Variants in SAMD3 observed in about 807,000 individuals in gnomAD.
SAMD3 encodes sterile alpha motif domain containing 3, also known as sterile alpha motif domain-containing protein 3.
Under a neutral mutation model 58.5 loss-of-function variants are expected in SAMD3, and 63 were observed. The observed-to-expected ratio is 1.08, with a 90% CI of 0.88 to 1.33. The LOEUF (loss-of-function observed/expected upper bound fraction) is 1.33. Among genes scored for constraint, SAMD3 ranks in the 40% most tolerant of loss-of-function variants. The probability of loss-of-function intolerance (pLI) is 0.00; values close to 1 mark genes in which losing one functional copy is unlikely to be tolerated. For synonymous variants in SAMD3, 220 were observed against 210.3 expected, an observed-to-expected ratio of 1.05 and a Z score of -0.40; for missense variants, 604 against 608.4, an observed-to-expected ratio of 0.99 and a Z score of 0.08.
At chr6:130,312,017 C>A (rs6923783) in intron 2 of SAMD3, among the ~76,000 whole-genome samples, 12 of 152,008 alleles carry the variant, frequency 7.9e-5, no homozygotes, top group African/African-American at 2.9e-4. Context: ...GGGCTGAAAC[C>A]ACAGATAGCA....
At chr6:130,355,524 CT>C (rs1180555882) in intron 1 of SAMD3, among the ~76,000 whole-genome samples, 2 of 152,172 alleles carry the variant, frequency 1.3e-5, no homozygotes, top group African/African-American at 4.8e-5. Context: ...TAATCCAGTT[CT>C]TTTTGTTTAT....
chr6:130,157,602 C>A (rs964339974), intron 8 of SAMD3, among the ~76,000 whole-genome samples: 1 of 152,182 alleles, frequency 6.6e-6, no homozygotes, highest in African/African-American at 2.4e-5. Flanking sequence ...GTTGGGATTA[C>A]AGGCATGAGC....
At chr6:130,214,879 A>G (rs1162891116) in intron 3 of SAMD3, among the ~76,000 whole-genome samples, 2 of 152,216 alleles carry the variant, frequency 1.3e-5, no homozygotes, top group African/African-American at 4.8e-5. Context: ...TATAAACCCA[A>G]CACTACACAA....
intron 1 of SAMD3, among the ~76,000 whole-genome samples, chr6:130,345,380 G>A (rs896404481): frequency 6.6e-6 from 1 of 152,200 alleles, no homozygotes; most frequent in Non-Finnish European, 1.5e-5. Context: ...CTGTTAGGCA[G>A]CTGTGTAGAC....
rs562874135 is a variant in SAMD3, at chr6:130,270,412, C to G, written c.-188+42566G>C. On this transcript the variant is annotated intron_variant, in intron 2 of 13. Coordinates refer to the SAMD3 transcript ENST00000368134. ...CAGGCCAGGATGTCTTAGTAGTCCACATGAAACTATGACTCAAACATGTAG... is the reference window on the plus strand; with the variant it reads ...CAGGCCAGGATGTCTTAGTAGTCCAGATGAAACTATGACTCAAACATGTAG... 2.9e-3 allele frequency among the ~76,000 whole-genome samples: 439 copies of G among 152,266 alleles called. 4 individuals carry two copies. The highest frequency in any genetic ancestry group is 8.2e-3 in the African/African-American group (340 of 41,566).
At chr6:130,357,641 C>A (rs9483115) in intron 1 of SAMD3, among the ~76,000 whole-genome samples, 1 of 151,948 alleles carries the variant, frequency 6.6e-6, no homozygotes, top group Admixed American at 6.6e-5. Context: ...CCTTAACATT[C>A]GTTTGCTGCT....
intron 1 of SAMD3, among the ~76,000 whole-genome samples, chr6:130,324,874 C>A (rs1165417584): frequency 6.6e-6 from 1 of 151,796 alleles, no homozygotes; most frequent in Non-Finnish European, 1.5e-5. Flanking sequence ...AGAACAAATT[C>A]TTTCCCGGTG....
intron 1 of SAMD3, among the ~76,000 whole-genome samples, chr6:130,323,065 C>T (rs1776638836): frequency 6.6e-6 from 1 of 152,168 alleles, no homozygotes; most frequent in South Asian, 2.1e-4. Context: ...AAGCAGTTAC[C>T]ATGGAGCATT....
At chr6:130,173,418 TTTC>T (rs1302944072) in intron 8 of SAMD3, among the ~76,000 whole-genome samples, 1 of 152,246 alleles carries the variant, frequency 6.6e-6, no homozygotes, top group Non-Finnish European at 1.5e-5. Flanking sequence ...TTTGTTAGTT[TTTC>T]TTCTAACAGA....
At chr6:130,221,113 C>T (rs1311438997) in intron 1 of SAMD3, among the ~76,000 whole-genome samples, 1 of 152,074 alleles carries the variant, frequency 6.6e-6, no homozygotes, top group Admixed American at 6.5e-5. Flanking sequence ...CTTGGCCTCC[C>T]AAAGTGCTGG....
intron 2 of SAMD3, among the ~76,000 whole-genome samples, chr6:130,298,761 G>A (rs12530118): frequency 0.17 from 25,611 of 152,022 alleles, 2,405 homozygotes; most frequent in East Asian, 0.36. Flanking sequence ...AACATTCATA[G>A]GCTCAAAATA....
chr6:130,299,250 A>G (rs529706445), intron 2 of SAMD3, among the ~76,000 whole-genome samples: 4 of 152,282 alleles, frequency 2.6e-5, no homozygotes, highest in African/African-American at 9.6e-5. Context: ...AACTGAAATC[A>G]TATCATATCA....
intron 1 of SAMD3, among the ~76,000 whole-genome samples, chr6:130,356,262 G>A (rs577918588): frequency 1.6e-4 from 25 of 152,138 alleles, no homozygotes; most frequent in African/African-American, 4.8e-4. Flanking sequence ...TGGAAGGGCC[G>A]TCTGGTTGGT....
rs749719704 is a variant in SAMD3 at position 130,144,703 on chromosome 6, G to T, written c.1380C>A (p.Asp460Glu). 1 of 1,613,954 alleles carries T rather than the reference G, an allele frequency of 6.2e-7. No individual in the cohort carries two copies. The highest frequency in any genetic ancestry group is 8.5e-7 in the Non-Finnish European group (1 of 1,179,970). Residue 460 changes from aspartate (D) to glutamate (E), a missense_variant, in exon 12 of 12, where the codon GAC (aspartate) becomes GAA (glutamate). Coordinates refer to ENST00000439090, the MANE Select transcript of SAMD3 (RefSeq NM_001017373.4). ...GCGCAGCCAAGGCTGTAACACAGTCGTCCACCTTTGTGAGCCTCTCCCTTT... is the reference window on the plus strand; with the variant it reads ...GCGCAGCCAAGGCTGTAACACAGTCTTCCACCTTTGTGAGCCTCTCCCTTT... Reference protein sequence around the residue: ...YLERERLTKVDDCVTALAALV... With the variant: ...YLERERLTKVEDCVTALAALV...
chr6:130,306,165 C>A (rs1451413442), intron 2 of SAMD3, among the ~76,000 whole-genome samples: 2 of 152,126 alleles, frequency 1.3e-5, no homozygotes, highest in Non-Finnish European at 2.9e-5. Flanking sequence ...AACATTCAGA[C>A]CATAGCAGGA....
At chr6:130,302,317 A>G (rs1458194811) in intron 2 of SAMD3, among the ~76,000 whole-genome samples, 1 of 152,232 alleles carries the variant, frequency 6.6e-6, no homozygotes, top group African/African-American at 2.4e-5. Context: ...GCCAACAAAC[A>G]TAGGAAAAAA....
chr6:130,160,453 A>G (rs1403442504), intron 8 of SAMD3: 1 of 152,196 alleles, frequency 6.6e-6, no homozygotes, highest in African/African-American at 2.4e-5. Flanking sequence ...AGGCTGGGGT[A>G]GTGAAGGAAA....
At chr6:130,307,554 A>T (rs1775949009) in intron 2 of SAMD3, among the ~76,000 whole-genome samples, 1 of 152,210 alleles carries the variant, frequency 6.6e-6, no homozygotes, top group Non-Finnish European at 1.5e-5. Context: ...AATTTAATAA[A>T]GGAAAATTGG....
chr6:130,241,510 G>A (rs111670319), intron 2 of SAMD3, among the ~76,000 whole-genome samples: 15,825 of 151,890 alleles, frequency 0.1, 1,029 homozygotes, highest in Admixed American at 0.15. Flanking sequence ...CACTGCACCC[G>A]GCCTTAAACT....
Sources: allele counts gnomAD v4.1 joint callset (sites outside exome capture counted in the v4.1 genomes callset), GRCh38; gene constraint gnomAD v4.1.1; transcripts MANE v1.5; gene names NCBI Gene and HGNC (gene_info 2026-07-23, HGNC 2026-07-21).